Variants in ZNF25 observed in about 807,000 individuals in gnomAD.
ZNF25 encodes the protein zinc finger protein 25.
In ZNF25, 21 loss-of-function variants were observed where a neutral mutation model predicts 30.9. That is an observed-to-expected ratio of 0.68 (90% confidence interval 0.48 to 0.98). The LOEUF (loss-of-function observed/expected upper bound fraction) is 0.98, where lower values mean the gene tolerates loss of function less well. Ranked by LOEUF, ZNF25 falls within the 50% of genes least tolerant of loss-of-function variation. ZNF25 has a pLI of 0.00. For synonymous variants in ZNF25, 169 were observed against 181.3 expected (o/e 0.93, Z 0.55); for missense variants, 501 against 529.9 (o/e 0.95, Z 0.54).
intron 2 of ZNF25, among the ~76,000 whole-genome samples, chr10:37,958,547 A>G (rs1009410976): frequency 2.0e-5 from 3 of 152,220 alleles, no homozygotes; most frequent in Admixed American, 6.5e-5. Flanking sequence ...GACCAGTAAA[A>G]TATATTTTAC....
chr10:37,957,825 T>A (rs929269620), intron 2 of ZNF25, among the ~76,000 whole-genome samples: 1 of 152,212 alleles, frequency 6.6e-6, no homozygotes, highest in African/African-American at 2.4e-5. Context: ...TAATGACAAA[T>A]TCCATATATG....
Position 37,960,694 on chromosome 10 carries a change from GC to G in ZNF25, c.16-3149del, listed in dbSNP as rs1204528593. On this transcript the variant is annotated intron_variant, in intron 2 of 5. Coordinates refer to ENST00000302609, the MANE Select transcript of ZNF25 (RefSeq NM_145011.4). ...ATCCGAGATAATGGCAGGAGACTAG[GC>G]CCAGACCATGGAGCCTGAGAGAACT... Among the ~76,000 whole-genome samples, 10 of 150,774 alleles carry G rather than the reference GC, an allele frequency of 6.6e-5. No individual in the cohort carries two copies. The Middle Eastern group carries it at 0.01, about 155-fold the overall frequency.
chr10:37,957,013 A>G lies in ZNF25; in HGVS notation c.238+7T>C, dbSNP rs773478241. ...AGTAACATGGGATATAATTTCTTCT[A>G]ACTCACCAGGGAAGCCCCGATGTGG... On this transcript the variant is annotated splice_region_variant and intron_variant, in intron 4 of 5. Coordinates refer to ENST00000302609, the MANE Select transcript of ZNF25 (RefSeq NM_145011.4). 1.2e-6 allele frequency: 2 copies of G among 1,612,072 alleles called. No individual in the cohort carries two copies. The highest frequency in any genetic ancestry group is 8.5e-7 in the Non-Finnish European group (1 of 1,178,472).
intron 4 of ZNF25, among the ~76,000 whole-genome samples, chr10:37,954,271 A>G (rs564926191): frequency 1.3e-5 from 2 of 152,116 alleles, no homozygotes; most frequent in Non-Finnish European, 2.9e-5. Flanking sequence ...TAGCAGACAA[A>G]CTTCTACTTT....
At chr10:37,956,661 A>C (rs944588147) in intron 4 of ZNF25, among the ~76,000 whole-genome samples, 8 of 152,164 alleles carry the variant, frequency 5.3e-5, no homozygotes, top group Non-Finnish European at 8.8e-5. Flanking sequence ...TCACACCTGT[A>C]ATCCTAGCAC....
chr10:37,956,888 C>T, intron 4 of ZNF25, 132 bp downstream of exon 4: 1 of 664,442 alleles, frequency 1.5e-6, no homozygotes, highest in Non-Finnish European at 2.5e-6. Flanking sequence ...GGACTCCAGC[C>T]TGGACAACAA....
At chr10:37,962,291 C>CAT (rs1296523083) in intron 2 of ZNF25, among the ~76,000 whole-genome samples, 1 of 151,504 alleles carries the variant, frequency 6.6e-6, no homozygotes, top group Non-Finnish European at 1.5e-5. Context: ...ACTTAATTCT[C>CAT]ATATAGCCTT....
chr10:37,955,759 C>T (rs1007871910), intron 4 of ZNF25, among the ~76,000 whole-genome samples: 6 of 152,266 alleles, frequency 3.9e-5, no homozygotes, highest in African/African-American at 1.4e-4. Flanking sequence ...CTCACTGTAA[C>T]CACTGCTTCC....
rs1364438692 is a variant in ZNF25 at position 37,971,592 on chromosome 10, T to C, written c.15+116A>G. 16 of 1,517,856 alleles carry C rather than the reference T, an allele frequency of 1.1e-5. No individual in the cohort carries two copies. The Admixed American group carries it at 3.1e-4, about 29-fold the overall frequency. The allele number at this position is 1,517,856 out of a possible 1,614,324, so 94.0% of individuals were successfully genotyped here. On this transcript the variant is annotated intron_variant, in intron 2 of 5. Coordinates refer to ENST00000302609, the MANE Select transcript of ZNF25 (RefSeq NM_145011.4). Reference sequence around the variant, plus strand: ...TGATTTTTAACTATTTCTACGTTTCTAATTTAGTATATGGGCTCTCGTTCA... The same window carrying C: ...TGATTTTTAACTATTTCTACGTTTCCAATTTAGTATATGGGCTCTCGTTCA...
chr10:37,974,095 C>CTTA (rs1472385423), intron 1 of ZNF25, among the ~76,000 whole-genome samples: 2 of 152,116 alleles, frequency 1.3e-5, no homozygotes, highest in Admixed American at 1.3e-4. Flanking sequence ...TGAAACTAAA[C>CTTA]CCCTGTCTCT....
rs367690610 is a variant in ZNF25, at chr10:37,975,191, T to C, written c.-86+1315A>G. 1.1e-4 allele frequency among the ~76,000 whole-genome samples: 17 copies of C among 152,268 alleles called. No individual in the cohort carries two copies. The East Asian group carries it at 2.7e-3, about 24-fold the overall frequency. On this transcript the variant is annotated intron_variant, in intron 1 of 5. Transcript: ENST00000302609. ...AGGTAGAAGGATTAAGTCCTAGTGT[T>C]CAATAGCACAGTATGGTTACAAGTG...
intron 2 of ZNF25, among the ~76,000 whole-genome samples, chr10:37,965,501 G>A (rs540481262): frequency 2.0e-5 from 3 of 152,262 alleles, no homozygotes; most frequent in African/African-American, 7.2e-5. Context: ...TTAAAGTGCT[G>A]AAAGAAAAGA....
chr10:37,971,813 A>G lies in ZNF25; in HGVS notation c.-85-6T>C. On this transcript the variant is annotated splice_polypyrimidine_tract_variant and splice_region_variant and intron_variant, in intron 1 of 5. Transcript: ENST00000302609. ...CTGGCAGCCCCAGGAATCACCTGTG[A>G]GAAATTTCCATACAACATTTTAGTA... The G allele has an allele frequency of 6.4e-7, 1 of 1,564,664 alleles. No homozygotes were observed. Among genetic ancestry groups the G allele is most frequent in the African/African-American group, 1.4e-5 (1 of 73,916 alleles).
chr10:37,964,414 A>C (rs1029879086), intron 2 of ZNF25, among the ~76,000 whole-genome samples: 2 of 152,208 alleles, frequency 1.3e-5, no homozygotes, highest in East Asian at 3.9e-4. Context: ...TCGTGACCAA[A>C]ATGCTGATAG....
chr10:37,957,303 G>T, intron 3 of ZNF25, 117 bp downstream of exon 3: 1 of 1,388,992 alleles, frequency 7.2e-7, no homozygotes, highest in South Asian at 1.4e-5. Flanking sequence ...TATTAACTTC[G>T]ACCTCTGAAT....
At chr10:37,976,152 T>A (rs1211312959) in intron 1 of ZNF25, among the ~76,000 whole-genome samples, 1 of 152,226 alleles carries the variant, frequency 6.6e-6, no homozygotes, top group Non-Finnish European at 1.5e-5. Context: ...CAGATGCGCG[T>A]CGAGCCGCAC....
At chr10:37,954,654 C>A (rs2062400132) in intron 4 of ZNF25, among the ~76,000 whole-genome samples, 1 of 152,154 alleles carries the variant, frequency 6.6e-6, no homozygotes, top group Admixed American at 6.6e-5. Context: ...CAATTTACTA[C>A]AGGATCTTTA....
At chr10:37,966,652 A>G (rs1219047850) in intron 2 of ZNF25, among the ~76,000 whole-genome samples, 2 of 152,092 alleles carry the variant, frequency 1.3e-5, no homozygotes, top group South Asian at 2.1e-4. Context: ...CTCACTCACT[A>G]TCTCAAGAAC....
chr10:37,967,677 G>A (rs1339735781), intron 2 of ZNF25, among the ~76,000 whole-genome samples: 1 of 152,146 alleles, frequency 6.6e-6, no homozygotes, highest in East Asian at 1.9e-4. Context: ...TAAAGTGTTA[G>A]GATTACAGGC....
Sources: allele counts gnomAD v4.1 joint callset (sites outside exome capture counted in the v4.1 genomes callset), GRCh38; gene constraint gnomAD v4.1.1; transcripts MANE v1.5; gene names NCBI Gene and HGNC (gene_info 2026-07-23, HGNC 2026-07-21).